Variants in SLC28A1 observed in about 807,000 individuals in gnomAD.
SLC28A1 encodes solute carrier family 28 member 1.
In SLC28A1, 64 loss-of-function variants were observed where a neutral mutation model predicts 74.8. That is an observed-to-expected ratio of 0.86 (90% CI 0.70 to 1.05). The LOEUF (loss-of-function observed/expected upper bound fraction) is 1.05. Ranked by LOEUF, SLC28A1 falls within the 50% of genes least tolerant of loss-of-function variation. The probability of loss-of-function intolerance (pLI) is 0.00; values close to 1 mark genes in which losing one functional copy is unlikely to be tolerated. For synonymous variants in SLC28A1, 359 were observed against 335.0 expected (o/e 1.07, Z -0.78); for missense variants, 828 against 822.8 (o/e 1.01, Z -0.08).
At position 84,945,326 on chromosome 15, in the gene SLC28A1, C is replaced by T; in HGVS notation, c.*126C>T. ...ACAGGACTTAGACCCAGCTCAATCC[C>T]ACAATTGGGAAGGGTTCATGGAGTG... On this transcript the variant is annotated 3_prime_UTR_variant, in exon 19 of 19. Coordinates refer to ENST00000394573, the MANE Select transcript of SLC28A1 (RefSeq NM_004213.5). 2 of 845,430 alleles carry T rather than the reference C, an allele frequency of 2.4e-6. No homozygotes were observed. Among genetic ancestry groups the T allele is most frequent in the Non-Finnish European group, 4.0e-6 (2 of 500,256 alleles). The allele number at this position is 845,430 out of a possible 1,614,324, so 52.4% of individuals were successfully genotyped here.
chr15:84,909,498 T>G (rs6496517), intron 9 of SLC28A1, among the ~76,000 whole-genome samples: 92,697 of 152,116 alleles, frequency 0.61, 28,723 homozygotes, highest in African/African-American at 0.71. Flanking sequence ...TAAAAACAGG[T>G]CAGCCTGTGC....
the SLC28A1 span, among the ~76,000 whole-genome samples, chr15:84,961,762 G>A: frequency 6.6e-6 from 1 of 152,254 alleles, no homozygotes; most frequent in African/African-American, 2.4e-5. Flanking sequence ...CAAGATGTTG[G>A]GTGAGAGAAG....
intron 5 of SLC28A1, among the ~76,000 whole-genome samples, chr15:84,891,697 T>TAGTC (rs1965388843): frequency 6.6e-6 from 1 of 152,162 alleles, no homozygotes; most frequent in Non-Finnish European, 1.5e-5. Flanking sequence ...AGGCCACTGG[T>TAGTC]GACTTAGGGT....
chr15:84,957,139 A>C, the SLC28A1 span, among the ~76,000 whole-genome samples: 6 of 152,082 alleles, frequency 3.9e-5, no homozygotes, highest in Non-Finnish European at 7.4e-5. Context: ...TATAGTGTAA[A>C]ATTCAATGGT....
intron 9 of SLC28A1, among the ~76,000 whole-genome samples, chr15:84,911,082 G>A (rs1390660676): frequency 1.3e-5 from 2 of 152,230 alleles, no homozygotes; most frequent in African/African-American, 2.4e-5. Context: ...AAAAAGCAGG[G>A]GAAGAGGTGC....
At chr15:84,930,947 T>A (rs964215018) in intron 12 of SLC28A1, among the ~76,000 whole-genome samples, 1 of 152,104 alleles carries the variant, frequency 6.6e-6, no homozygotes, top group African/African-American at 2.4e-5. Flanking sequence ...TTTTTCTCTA[T>A]TTTTATTAGA....
intron 1 of SLC28A1, chr15:84,886,255 G>C: frequency 1.0e-6 from 1 of 985,356 alleles, no homozygotes; most frequent in Non-Finnish European, 1.2e-6. Flanking sequence ...TTCCAGCACA[G>C]GAAAATTGGT....
chr15:84,952,362 C>T, the SLC28A1 span, among the ~76,000 whole-genome samples: 1 of 152,110 alleles, frequency 6.6e-6, no homozygotes, highest in African/African-American at 2.4e-5. Flanking sequence ...AAGGCAGTAA[C>T]CCACAGATCA....
the SLC28A1 span, among the ~76,000 whole-genome samples, chr15:84,973,949 G>T: frequency 6.6e-6 from 1 of 152,088 alleles, no homozygotes; most frequent in Non-Finnish European, 1.5e-5. Context: ...GCAGGCTTGG[G>T]GACGCTCACA....
Position 84,944,614 on chromosome 15 carries a change from G to C in SLC28A1, c.1712G>C (p.Arg571Pro), listed in dbSNP as rs764972895. Residue 571 changes from arginine to proline, a missense_variant, in exon 17 of 19, where the codon CGG becomes CCG. Arg to Pro is a moderately radical substitution (Grantham distance 103). Coordinates refer to ENST00000394573, the MANE Select transcript of SLC28A1 (RefSeq NM_004213.5). ...AGCGACTTCTCCCAGATAGTGCTCCGGGCGCTCTTCACGGGAGCCTGTGTG... is the reference window on the plus strand; with the variant it reads ...AGCGACTTCTCCCAGATAGTGCTCCCGGCGCTCTTCACGGGAGCCTGTGTG... The part of the protein sequence containing the change: ...RKSDFSQIVL[R>P]ALFTGACVSL... 1.2e-6 allele frequency: 2 copies of C among 1,614,044 alleles called. No individual in the cohort carries two copies. The highest frequency in any genetic ancestry group is 1.1e-5 in the South Asian group (1 of 91,084).
the SLC28A1 span, among the ~76,000 whole-genome samples, chr15:84,959,873 G>A: frequency 6.6e-6 from 1 of 151,896 alleles, no homozygotes; most frequent in Non-Finnish European, 1.5e-5. Context: ...TTTGTTTTAC[G>A]TTCATACGTA....
At chr15:84,907,750 CT>C (rs1424954718) in intron 8 of SLC28A1, among the ~76,000 whole-genome samples, 56 of 152,330 alleles carry the variant, frequency 3.7e-4, no homozygotes, top group African/African-American at 1.3e-3. Context: ...TCACCTCCCT[CT>C]CACCAGCTTG....
Position 84,939,539 on chromosome 15 carries a change from A to G in SLC28A1, c.1582-3906A>G, listed in dbSNP as rs920854388. 8 of 152,148 alleles carry G rather than the reference A, an allele frequency of 5.3e-5. 1 individual carries two copies. Among genetic ancestry groups the G allele is most frequent in the African/African-American group, 1.2e-4 (5 of 41,428 alleles). The allele number at this position is 152,148 out of a possible 1,614,324, so 9.4% of individuals were successfully genotyped here. On this transcript the variant is annotated intron_variant, in intron 15 of 18. Coordinates refer to ENST00000394573, the MANE Select transcript of SLC28A1 (RefSeq NM_004213.5). ...ATAAAGGCATTAACTTTTTTCTGAT[A>G]TATTTTCTACATATACTTTTCCTAG...
At chr15:84,895,383 C>A in intron 6 of SLC28A1, 1 of 1,613,980 alleles carries the variant, frequency 6.2e-7, no homozygotes, top group South Asian at 1.1e-5. Context: ...TTCAGGGATC[C>A]CAGGCCATGG....
chr15:84,893,710 T>A (rs1596211163), intron 5 of SLC28A1, among the ~76,000 whole-genome samples: 1 of 152,260 alleles, frequency 6.6e-6, no homozygotes, highest in East Asian at 1.9e-4. Context: ...CTCCCGCCTC[T>A]CTTCTCTTCA....
chr15:84,963,826 C>A, the SLC28A1 span, among the ~76,000 whole-genome samples: 1 of 152,140 alleles, frequency 6.6e-6, no homozygotes, highest in Non-Finnish European at 1.5e-5. Flanking sequence ...CCCCTGATGA[C>A]CCCCTATTTC....
chr15:84,906,084 A>G (rs1263694061), intron 8 of SLC28A1, among the ~76,000 whole-genome samples: 1 of 149,362 alleles, frequency 6.7e-6, no homozygotes, highest in East Asian at 2.0e-4. Flanking sequence ...CAGTGGTGCA[A>G]TCTTGGCTTG....
In SLC28A1 at chr15:84,916,290, G is replaced by A. The variant is rs1258024587; in HGVS notation, c.796-2234G>A. 2.8e-5 allele frequency among the ~76,000 whole-genome samples: 4 copies of A among 140,510 alleles called. No homozygotes were observed. In the East Asian group the frequency reaches 6.2e-4, roughly 22 times the overall value. The allele number at this position is 140,510 out of a possible 152,430, so 92.2% of individuals were successfully genotyped here. A position where few individuals can be genotyped will look rare whatever the true frequency, so the allele number is the denominator to read the frequency against. On this transcript the variant is annotated intron_variant, in intron 9 of 18. Transcript: ENST00000394573. Reference sequence around the variant, plus strand: ...GGGGTCTTACTCTGTTGTCTGGGCTGTAGTGCAGTGGCATGATCATGACTT... The same window carrying A: ...GGGGTCTTACTCTGTTGTCTGGGCTATAGTGCAGTGGCATGATCATGACTT...
intron 8 of SLC28A1, among the ~76,000 whole-genome samples, chr15:84,906,818 C>T (rs1437900778): frequency 4.2e-4 from 64 of 152,070 alleles, no homozygotes; most frequent in Non-Finnish European, 1.2e-4. Context: ...CTTTAAGTAT[C>T]ATTAAATTCA....
Sources: gnomAD v4.1 joint callset for allele counts (sites outside exome capture counted in the v4.1 genomes callset) on GRCh38, gnomAD v4.1.1 for gene constraint, MANE v1.5 for transcripts, NCBI Gene and HGNC (gene_info 2026-07-23, HGNC 2026-07-21) for gene names.